The following TTLL4 variants were observed in gnomAD, a reference collection of about 807,000 sequenced individuals.
TTLL4 encodes the protein tubulin tyrosine ligase like 4, also known as tubulin monoglutamylase TTLL4.
In TTLL4, 85 loss-of-function variants were observed where a neutral mutation model predicts 122.7. That is an observed-to-expected ratio of 0.69 (90% CI 0.58 to 0.83). The LOEUF (loss-of-function observed/expected upper bound fraction) is 0.83. Among genes scored for constraint, TTLL4 ranks in the 40% least tolerant of loss-of-function variants. The pLI, the probability that TTLL4 is intolerant of heterozygous loss-of-function variation, is 0.00. For synonymous variants in TTLL4, 553 were observed against 563.0 expected (o/e 0.98, Z 0.25); for missense variants, 1,363 against 1,488.6 (o/e 0.92, Z 1.39).
At chr2:218,735,635 A>C (rs1478899346) in intron 2 of TTLL4, among the ~76,000 whole-genome samples, 4 of 152,058 alleles carry the variant, frequency 2.6e-5, no homozygotes, top group South Asian at 2.1e-4. Context: ...ACTTGATGAG[A>C]ATGTCAGGAT....
rs141155582 is a variant in TTLL4, at chr2:218,714,645, C to G, written c.-178+3608C>G. Among the ~76,000 whole-genome samples the G allele has an allele frequency of 5.7e-3, 868 of 152,030 alleles. 7 individuals carry two copies. The highest frequency in any genetic ancestry group is 7.7e-3 in the Non-Finnish European group (521 of 67,988). On this transcript the variant is annotated intron_variant, in intron 1 of 19. Transcript: ENST00000392102. ...TATGCTAGAGAAGCATAGTGCTTCTCTAGACCGGCAGTGCTCAGAGCTCAG... is the reference window on the plus strand; with the variant it reads ...TATGCTAGAGAAGCATAGTGCTTCTGTAGACCGGCAGTGCTCAGAGCTCAG...
In TTLL4 at chr2:218,747,240, A is replaced by T; in HGVS notation, c.2166+46A>T. ...AGGAGACTATGGTCTGTGAGTGGGA[A>T]CAACAGAGTATTGGACCTGGAGCAA... On this transcript the variant is annotated intron_variant, in intron 9 of 19. Transcript: ENST00000392102. This position sits in a 1 kb window ranked among gnomAD's most constrained non-coding sequence, Gnocchi z 4.7. 6.2e-7 allele frequency: 1 copy of T among 1,614,116 alleles called. No homozygotes were observed. Among genetic ancestry groups the T allele is most frequent in the East Asian group, 2.2e-5 (1 of 44,872 alleles).
intron 14 of TTLL4, among the ~76,000 whole-genome samples, chr2:218,749,683 G>A (rs1449473571): frequency 2.6e-5 from 4 of 152,050 alleles, no homozygotes; most frequent in African/African-American, 9.7e-5. Flanking sequence ...TAGCCAGGAC[G>A]GTCTCGATCT....
At position 218,738,465 on chromosome 2, in the gene TTLL4, G is replaced by A. The variant is rs201788155; in HGVS notation, c.789G>A (p.Pro263=). The A allele has an allele frequency of 9.5e-5, 153 of 1,614,036 alleles. No homozygotes were observed. The highest frequency in any genetic ancestry group is 1.6e-4 in the Middle Eastern group (1 of 6,084). Reference sequence around the variant, plus strand: ...CAGGGGGTACTGGAGACTGTGCACCGCAGCCTGTTGACCATAAGGTGCCCA... The same window carrying A: ...CAGGGGGTACTGGAGACTGTGCACCACAGCCTGTTGACCATAAGGTGCCCA... ...HHSGGTGDCA[P]QPVDHKVPKS... The change falls in exon 3 of 20, where the codon CCG becomes CCA. Residue 263 remains proline (P), a synonymous_variant. Coordinates refer to ENST00000392102, the MANE Select transcript of TTLL4 (RefSeq NM_014640.5).
intron 1 of TTLL4, among the ~76,000 whole-genome samples, chr2:218,720,179 T>C (rs1325751161): frequency 2.0e-5 from 3 of 152,102 alleles, no homozygotes; most frequent in Non-Finnish European, 4.4e-5. Flanking sequence ...CAGTTGGTGA[T>C]GCAGACATGA....
intron 2 of TTLL4, among the ~76,000 whole-genome samples, chr2:218,732,928 G>A (rs752999284): frequency 6.6e-6 from 1 of 152,210 alleles, no homozygotes; most frequent in Admixed American, 6.5e-5. Flanking sequence ...CTGAAACTAG[G>A]TTGGAGCATT....
At chr2:218,725,660 A>G (rs1942170573) in intron 1 of TTLL4, among the ~76,000 whole-genome samples, 1 of 149,326 alleles carries the variant, frequency 6.7e-6, no homozygotes, top group East Asian at 2.0e-4. Context: ...GGTTCAAGCA[A>G]TTCTCCTGCC....
At chr2:218,729,117 A>G (rs1942281736) in intron 2 of TTLL4, among the ~76,000 whole-genome samples, 1 of 151,856 alleles carries the variant, frequency 6.6e-6, no homozygotes, top group Admixed American at 6.6e-5. Flanking sequence ...TATTTTTAGT[A>G]GAGACGGGGT....
At chr2:218,751,912 T>C in intron 16 of TTLL4, 106 bp downstream of exon 16, 1 of 459,042 alleles carries the variant, frequency 2.2e-6, no homozygotes, top group Non-Finnish European at 3.1e-6. Context: ...TTCTTTTTCT[T>C]TTTTTTTTTT....
At chr2:218,744,662 T>A (rs1019038091) in intron 5 of TTLL4, among the ~76,000 whole-genome samples, 2 of 152,252 alleles carry the variant, frequency 1.3e-5, no homozygotes, top group Admixed American at 6.5e-5. Flanking sequence ...CCCCTTTTTT[T>A]ATTTAAAAGT....
In TTLL4 at chr2:218,738,648, C is replaced by A; in HGVS notation, c.972C>A (p.Ser324Arg). 1 of 1,614,220 alleles carries A rather than the reference C, an allele frequency of 6.2e-7. No homozygotes were observed. Among genetic ancestry groups the A allele is most frequent in the Non-Finnish European group, 8.5e-7 (1 of 1,180,036 alleles). ...AEPLSCALDD[S>R]SDSQDPTKEI... ...CACTTTCCTGTGCTCTGGATGACAGCTCTGATTCCCAGGATCCAACTAAGG... is the reference window on the plus strand; with the variant it reads ...CACTTTCCTGTGCTCTGGATGACAGATCTGATTCCCAGGATCCAACTAAGG... The change falls in exon 3 of 20, where the codon AGC becomes AGA. Residue 324 changes from serine (S) to arginine (R), a missense_variant. Transcript: ENST00000392102.
downstream of TTLL4, among the ~76,000 whole-genome samples, chr2:218,757,640 C>T (rs1197976461): frequency 6.6e-6 from 1 of 152,082 alleles, no homozygotes; most frequent in Non-Finnish European, 1.5e-5. Context: ...ATTACAGGTA[C>T]CTTCTCTTGG....
Position 218,734,553 on chromosome 2 carries a change from T to G in TTLL4, c.-98-3026T>G, listed in dbSNP as rs1942463523. ...ACTGCCTAGGTCATGTTGCAGCTGA[T>G]TTTTTAAGTTGGGTGAAGAAGAAGA... On this transcript the variant is annotated intron_variant, in intron 2 of 19. Coordinates refer to ENST00000392102, the MANE Select transcript of TTLL4 (RefSeq NM_014640.5). Among the ~76,000 whole-genome samples, 4 of 152,286 alleles carry G rather than the reference T, an allele frequency of 2.6e-5. No individual in the cohort carries two copies. The South Asian group carries it at 8.3e-4, about 32-fold the overall frequency.
chr2:218,752,208 G>A (rs749822929), intron 16 of TTLL4, among the ~76,000 whole-genome samples: 2 of 152,128 alleles, frequency 1.3e-5, no homozygotes, highest in Non-Finnish European at 2.9e-5. Flanking sequence ...ACGCCTGGCT[G>A]CAACCAGCTT....
rs147126900 is a variant in TTLL4 at position 218,743,420 on chromosome 2, G to A, written c.1662-1689G>A. On this transcript the variant is annotated intron_variant, in intron 5 of 19. Coordinates refer to ENST00000392102, the MANE Select transcript of TTLL4 (RefSeq NM_014640.5). ...CTGGATAGTGTTCTGTGGTATGGAT[G>A]TACCACAGTTTGTTTAACCGTACAC... Among the ~76,000 whole-genome samples, 675 of 152,260 alleles carry A rather than the reference G, an allele frequency of 4.4e-3. 5 individuals are homozygous for A. The highest frequency in any genetic ancestry group is 0.015 in the African/African-American group (636 of 41,542).
intron 2 of TTLL4, among the ~76,000 whole-genome samples, chr2:218,732,171 T>C (rs943936069): frequency 1.1e-4 from 17 of 152,226 alleles, no homozygotes; most frequent in African/African-American, 4.1e-4. Flanking sequence ...CTTTAAGTAG[T>C]ATAAATATGT....
chr2:218,728,377 G>A (rs1942256240), intron 2 of TTLL4, among the ~76,000 whole-genome samples: 1 of 152,196 alleles, frequency 6.6e-6, no homozygotes, highest in Non-Finnish European at 1.5e-5. Context: ...ATTCTCATAA[G>A]AAGCATGCAA....
intron 2 of TTLL4, among the ~76,000 whole-genome samples, chr2:218,733,631 C>T (rs1942439423): frequency 6.6e-6 from 1 of 152,140 alleles, no homozygotes; most frequent in Non-Finnish European, 1.5e-5. Context: ...ATCTGGAATA[C>T]CTTAGAGAGA....
At chr2:218,715,360 T>G (rs1222292215) in intron 1 of TTLL4, among the ~76,000 whole-genome samples, 1 of 152,260 alleles carries the variant, frequency 6.6e-6, no homozygotes, top group Non-Finnish European at 1.5e-5. Flanking sequence ...GTGTGGAATC[T>G]GAAATGATAT....
Sources: allele counts gnomAD v4.1 joint callset (sites outside exome capture counted in the v4.1 genomes callset), GRCh38; gene constraint gnomAD v4.1.1; non-coding constraint Gnocchi (gnomAD v3.1); transcripts MANE v1.5; gene names NCBI Gene and HGNC (gene_info 2026-07-23, HGNC 2026-07-21).